CDH18: variants seen among roughly 807,000 people sequenced by gnomAD.
CDH18 encodes the protein cadherin-18.
A neutral mutation model predicts 67.9 loss-of-function variants in CDH18; 31 were observed. That is an observed-to-expected ratio of 0.46 (90% CI 0.34 to 0.62). The LOEUF (loss-of-function observed/expected upper bound fraction) is 0.62, where lower values mean the gene tolerates loss of function less well. Among genes scored for constraint, CDH18 ranks in the 20% least tolerant of loss-of-function variants. The pLI is 0.01. For synonymous variants in CDH18, 362 were observed against 347.2 expected (o/e 1.04, Z -0.48); for missense variants, 890 against 975.5 (o/e 0.91, Z 1.17).
intron 2 of CDH18, among the ~76,000 whole-genome samples, chr5:19,994,736 TATAGAGAGAG>T (rs1385179168): frequency 2.1e-3 from 19 of 8,946 alleles, no homozygotes; most frequent in Admixed American, 4.9e-3. Flanking sequence ...TATATATATA[TATAGAGAGAG>T]AGAGAGAGAG....
intron 2 of CDH18, among the ~76,000 whole-genome samples, chr5:19,916,929 T>C (rs755878445): frequency 1.6e-4 from 25 of 152,172 alleles, no homozygotes; most frequent in Non-Finnish European, 2.9e-4. Flanking sequence ...TTAATCAAGA[T>C]GTCACTGATT....
intron 3 of CDH18, among the ~76,000 whole-genome samples, chr5:19,834,696 T>C (rs1268889873): frequency 9.2e-5 from 14 of 152,172 alleles, no homozygotes; most frequent in Non-Finnish European, 1.5e-5. Flanking sequence ...CTGCTTTAGC[T>C]GTGTCCCAGA....
chr5:19,678,308 T>C (rs1482035652), intron 5 of CDH18, among the ~76,000 whole-genome samples: 1 of 149,312 alleles, frequency 6.7e-6, no homozygotes, highest in Admixed American at 6.7e-5. Context: ...AATAGAAGTA[T>C]AAATAAATAC....
intron 5 of CDH18, among the ~76,000 whole-genome samples, chr5:19,622,028 A>G (rs892803316): frequency 1.3e-5 from 2 of 152,146 alleles, no homozygotes; most frequent in African/African-American, 4.8e-5. Flanking sequence ...TTTCTGGATG[A>G]AAAAATAAGA....
At position 20,189,250 on chromosome 5, in the gene CDH18, C is replaced by G. The variant is rs1012853217; in HGVS notation, c.-518+66194G>C. On this transcript the variant is annotated intron_variant, in intron 2 of 14. Transcript: ENST00000507958. ...CTTCAGGTATACTTCTTCTTTACTT[C>G]CCTTAATATAGTCACTTTCCTGGTT... 2.0e-5 allele frequency among the ~76,000 whole-genome samples: 3 copies of G among 152,068 alleles called. No individual in the cohort carries two copies. The East Asian group carries it at 5.8e-4, about 29-fold the overall frequency.
chr5:19,606,294 G>C (rs1279424668), intron 6 of CDH18, among the ~76,000 whole-genome samples: 3 of 152,008 alleles, frequency 2.0e-5, no homozygotes, highest in African/African-American at 7.2e-5. Flanking sequence ...GTAATTCAAA[G>C]TCATGATTAA....
chr5:20,575,216 A>G (rs1051446665), intron 1 of CDH18, among the ~76,000 whole-genome samples: 3 of 152,114 alleles, frequency 2.0e-5, no homozygotes, highest in Non-Finnish European at 2.9e-5. Flanking sequence ...AGTATCTGCT[A>G]CAGAAACTTA....
intron 2 of CDH18, among the ~76,000 whole-genome samples, chr5:19,875,757 T>C (rs114144762): frequency 2.0e-5 from 3 of 152,180 alleles, no homozygotes; most frequent in African/African-American, 7.2e-5. Context: ...TATTCATAAT[T>C]ACATTTCAAT....
chr5:20,241,894 A>ATGTGTG (rs754188567), intron 2 of CDH18, among the ~76,000 whole-genome samples: 14 of 141,306 alleles, frequency 9.9e-5, no homozygotes, highest in East Asian at 2.0e-4. Flanking sequence ...ATATATATGT[A>ATGTGTG]TATATATATA....
At chr5:19,884,131 C>T (rs1214491435) in intron 2 of CDH18, among the ~76,000 whole-genome samples, 1 of 152,038 alleles carries the variant, frequency 6.6e-6, no homozygotes, top group Non-Finnish European at 1.5e-5. Flanking sequence ...TTTCAACTGA[C>T]AGTCAATGGG....
upstream of CDH18, among the ~76,000 whole-genome samples, chr5:19,989,120 C>G (rs1050257285): frequency 6.6e-6 from 1 of 152,146 alleles, no homozygotes; most frequent in Non-Finnish European, 1.5e-5. Flanking sequence ...AGTACTTTCT[C>G]CCCGCACGAA....
intron 2 of CDH18, among the ~76,000 whole-genome samples, chr5:20,130,576 C>T (rs551109471): frequency 2.0e-5 from 3 of 151,996 alleles, no homozygotes; most frequent in Admixed American, 2.0e-4. Flanking sequence ...CAAGTTGACC[C>T]ATAAAATTAG....
chr5:20,053,592 T>G (rs1450741177), intron 2 of CDH18, among the ~76,000 whole-genome samples: 1 of 152,118 alleles, frequency 6.6e-6, no homozygotes, highest in African/African-American at 2.4e-5. Context: ...AACACTAAAA[T>G]GAATCTTATC....
At chr5:20,462,343 C>T (rs12523226) in intron 1 of CDH18, among the ~76,000 whole-genome samples, 29,287 of 151,876 alleles carry the variant, frequency 0.19, 3,751 homozygotes, top group East Asian at 0.39. Flanking sequence ...ATGACAGAAA[C>T]CAGAGCCTGG....
intron 2 of CDH18, among the ~76,000 whole-genome samples, chr5:19,894,033 C>A (rs1789043613): frequency 6.6e-6 from 1 of 152,042 alleles, no homozygotes; most frequent in East Asian, 1.9e-4. Context: ...AATTATTTAT[C>A]TTAAAATAGA....
intron 1 of CDH18, among the ~76,000 whole-genome samples, chr5:20,515,001 G>C (rs1335223336): frequency 6.6e-6 from 1 of 150,896 alleles, no homozygotes; most frequent in East Asian, 1.9e-4. Context: ...TTCATGCTGG[G>C]GAGTAAAAAT....
chr5:19,965,861 G>A lies in CDH18; in HGVS notation c.-257+15199C>T, dbSNP rs556820154. On this transcript the variant is annotated intron_variant, in intron 2 of 12. Transcript: ENST00000382275. ...ACAGGATTTCCTAGTGTATTGTCCC[G>A]CCATGTCAATAAACAGCTACCTCTC... Among the ~76,000 whole-genome samples the A allele has an allele frequency of 7.1e-4, 108 of 152,172 alleles. 2 individuals carry two copies. The highest frequency in any genetic ancestry group is 6.9e-3 in the Admixed American group (106 of 15,268).
At chr5:19,477,979 G>A (rs1286088311) in intron 12 of CDH18, among the ~76,000 whole-genome samples, 1 of 151,832 alleles carries the variant, frequency 6.6e-6, no homozygotes, top group Non-Finnish European at 1.5e-5. Context: ...TTTTTCTTCT[G>A]TTCAAGTTTG....
chr5:20,571,267 AT>A (rs2126672337), intron 1 of CDH18, among the ~76,000 whole-genome samples: 1 of 152,256 alleles, frequency 6.6e-6, no homozygotes, highest in Admixed American at 6.5e-5. Flanking sequence ...ATTTCGCAAC[AT>A]ACAAAAGTTT....
Sources: allele counts gnomAD v4.1 joint callset (sites outside exome capture counted in the v4.1 genomes callset), GRCh38; gene constraint gnomAD v4.1.1; transcripts MANE v1.5; gene names NCBI Gene and HGNC (gene_info 2026-07-23, HGNC 2026-07-21).